Variants in SNX29 observed in about 807,000 individuals in gnomAD.
The protein encoded by SNX29 is sorting nexin-29.
SNX29 carries 78 observed loss-of-function variants against 102.1 expected under a neutral mutation model. The observed-to-expected ratio is 0.76, with a 90% confidence interval of 0.64 to 0.92. SNX29 has a LOEUF of 0.92. SNX29 is among the 40% of genes least tolerant of loss of function. SNX29 has a pLI of 0.00. For missense variants in SNX29, 1,280 were observed against 1,061.7 expected, an observed-to-expected ratio of 1.21 and a Z score of -2.86; for synonymous variants, 580 against 414.5, an observed-to-expected ratio of 1.40 and a Z score of -4.85.
intron 20 of SNX29, among the ~76,000 whole-genome samples, chr16:12,556,901 T>C (rs1446541201): frequency 6.6e-6 from 1 of 151,400 alleles, no homozygotes; most frequent in Non-Finnish European, 1.5e-5. Flanking sequence ...CTCCTCACCT[T>C]GAGTGTAGTG....
At chr16:12,128,254 T>C (rs2054303655) in intron 12 of SNX29, among the ~76,000 whole-genome samples, 1 of 152,202 alleles carries the variant, frequency 6.6e-6, no homozygotes, top group Non-Finnish European at 1.5e-5. Context: ...GATTTTGTCT[T>C]ACCTTGTGAA....
At chr16:12,100,056 G>A (rs567753594) in intron 11 of SNX29, among the ~76,000 whole-genome samples, 2 of 152,330 alleles carry the variant, frequency 1.3e-5, no homozygotes, top group East Asian at 3.9e-4. Flanking sequence ...CTCAGCGATG[G>A]AGGAACTTGT....
At chr16:12,355,914 C>G (rs1163385478) in intron 15 of SNX29, among the ~76,000 whole-genome samples, 1 of 141,798 alleles carries the variant, frequency 7.1e-6, no homozygotes, top group African/African-American at 2.6e-5. Flanking sequence ...CAAACATGAT[C>G]TGATACCATC....
intron 20 of SNX29, among the ~76,000 whole-genome samples, chr16:12,565,222 G>T (rs537764657): frequency 6.6e-6 from 1 of 152,288 alleles, no homozygotes; most frequent in East Asian, 1.9e-4. Flanking sequence ...AGCATTACCA[G>T]TATTAGGCTG....
chr16:12,365,523 C>G (rs765995989), intron 16 of SNX29, among the ~76,000 whole-genome samples: 4 of 151,006 alleles, frequency 2.6e-5, no homozygotes, highest in Non-Finnish European at 5.9e-5. Context: ...AACCCCATCT[C>G]TACTCAAAAT....
intron 8 of SNX29, chr16:12,060,750 A>G: frequency 2.2e-6 from 1 of 456,172 alleles, no homozygotes; most frequent in South Asian, 1.5e-5. Flanking sequence ...GCTCAGAGGC[A>G]AGTGCTGCAG....
Position 12,225,396 on chromosome 16 carries a change from C to A in SNX29, c.1678+25713C>A, listed in dbSNP as rs185700237. ...AGGTAATAGAATCATGGGAGCGGGT[C>A]TTTCCCATGCTCTTCTCATGATGGT... On this transcript the variant is annotated intron_variant, in intron 14 of 20. Coordinates refer to ENST00000566228, the MANE Select transcript of SNX29 (RefSeq NM_032167.5). Among the ~76,000 whole-genome samples, 31 of 152,278 alleles carry A rather than the reference C, an allele frequency of 2.0e-4. 1 individual carries two copies. In the East Asian group the frequency reaches 5.6e-3, roughly 27 times the overall value.
chr16:12,553,002 A>G (rs1487637844), intron 20 of SNX29, among the ~76,000 whole-genome samples: 1 of 152,236 alleles, frequency 6.6e-6, no homozygotes, highest in Non-Finnish European at 1.5e-5. Flanking sequence ...GGCTGAAATC[A>G]GGAGAGTGGG....
At chr16:12,426,410 C>T (rs1288113185) in intron 18 of SNX29, among the ~76,000 whole-genome samples, 1 of 152,126 alleles carries the variant, frequency 6.6e-6, no homozygotes, top group African/African-American at 2.4e-5. Flanking sequence ...GTCACTCCCT[C>T]AAAACACATG....
intron 14 of SNX29, among the ~76,000 whole-genome samples, chr16:12,274,358 C>T (rs1449903245): frequency 6.6e-6 from 1 of 152,208 alleles, no homozygotes; most frequent in Non-Finnish European, 1.5e-5. Context: ...CCTGTGTTCT[C>T]AAGTCTGTGA....
At chr16:12,559,537 A>ACC (rs1479541175) in intron 20 of SNX29, among the ~76,000 whole-genome samples, 2 of 151,068 alleles carry the variant, frequency 1.3e-5, no homozygotes, top group Non-Finnish European at 2.9e-5. Context: ...AAGCATCCCC[A>ACC]CCCCCTACAT....
chr16:12,562,645 G>A (rs1393676673), intron 20 of SNX29, among the ~76,000 whole-genome samples: 4 of 152,136 alleles, frequency 2.6e-5, no homozygotes, highest in African/African-American at 4.8e-5. Context: ...TTCCCTGAGG[G>A]GCTGTTTTAT....
chr16:12,062,402 A>G (rs182933868), intron 9 of SNX29, among the ~76,000 whole-genome samples: 138 of 151,478 alleles, frequency 9.1e-4, no homozygotes, highest in African/African-American at 3.3e-3. Flanking sequence ...ATAAATAAAT[A>G]AATAAATAAA....
chr16:12,565,916 A>C (rs1008944276), intron 20 of SNX29, among the ~76,000 whole-genome samples: 1 of 151,696 alleles, frequency 6.6e-6, no homozygotes, highest in African/African-American at 2.4e-5. Context: ...ACCGTGATCC[A>C]CCACAGCCAT....
intron 20 of SNX29, among the ~76,000 whole-genome samples, chr16:12,563,964 G>GCT (rs2078877143): frequency 6.6e-6 from 1 of 151,264 alleles, no homozygotes; most frequent in African/African-American, 2.5e-5. Context: ...ACGAGGAAGG[G>GCT]CTTTTCAGAT....
At chr16:12,114,400 T>A (rs932785366) in intron 11 of SNX29, among the ~76,000 whole-genome samples, 6 of 152,156 alleles carry the variant, frequency 3.9e-5, no homozygotes, top group African/African-American at 1.4e-4. Context: ...GTTGAGGCTC[T>A]GTCTCTAAAA....
chr16:12,045,104 T>G (rs928667907), intron 5 of SNX29, among the ~76,000 whole-genome samples: 2 of 152,186 alleles, frequency 1.3e-5, no homozygotes, highest in African/African-American at 4.8e-5. Flanking sequence ...GCTCAGATTT[T>G]TAAAGGATTA....
intron 3 of SNX29, among the ~76,000 whole-genome samples, chr16:12,009,477 G>A (rs1316090933): frequency 1.4e-5 from 2 of 139,834 alleles, no homozygotes; most frequent in African/African-American, 2.5e-5. Flanking sequence ...GTGTGTGTGT[G>A]TGTATATATA....
intron 13 of SNX29, among the ~76,000 whole-genome samples, chr16:12,136,730 T>A (rs925491736): frequency 8.4e-6 from 1 of 119,132 alleles, no homozygotes; most frequent in Non-Finnish European, 1.6e-5. Flanking sequence ...TTAGGAAAGG[T>A]TTTTGTTGTT....
Sources: gnomAD v4.1 joint callset for allele counts (sites outside exome capture counted in the v4.1 genomes callset) on GRCh38, gnomAD v4.1.1 for gene constraint, MANE v1.5 for transcripts, NCBI Gene and HGNC (gene_info 2026-07-23, HGNC 2026-07-21) for gene names.